FKBP5: variants seen among roughly 807,000 people sequenced by gnomAD.
FKBP5 encodes the protein peptidyl-prolyl cis-trans isomerase FKBP5.
A neutral mutation model predicts 50.5 loss-of-function variants in FKBP5; 23 were observed. The observed-to-expected ratio is 0.46, with a 90% CI of 0.33 to 0.65. The LOEUF (loss-of-function observed/expected upper bound fraction) is 0.65, where lower values mean the gene tolerates loss of function less well. FKBP5 is among the 30% of genes least tolerant of loss of function. FKBP5 has a pLI of 0.02. For missense variants in FKBP5, 411 were observed against 553.1 expected, an observed-to-expected ratio of 0.74 and a Z score of 2.58; for synonymous variants, 176 against 190.6, an observed-to-expected ratio of 0.92 and a Z score of 0.63.
At chr6:35,711,941 A>G (rs960873831) in intron 2 of FKBP5, among the ~76,000 whole-genome samples, 2 of 151,424 alleles carry the variant, frequency 1.3e-5, no homozygotes, top group Non-Finnish European at 2.9e-5. Context: ...CAGTGGTGCA[A>G]TCATAGTTCA....
intron 3 of FKBP5, among the ~76,000 whole-genome samples, chr6:35,631,011 C>A (rs1176408717): frequency 1.3e-5 from 2 of 152,102 alleles, no homozygotes; most frequent in African/African-American, 4.8e-5. Context: ...AGACACTTTA[C>A]AAAAGAAAAC....
chr6:35,701,460 G>C (rs1766187663), intron 2 of FKBP5, among the ~76,000 whole-genome samples: 1 of 151,680 alleles, frequency 6.6e-6, no homozygotes. Context: ...AGCCGGGATG[G>C]TCTCGATCTC....
At chr6:35,679,444 T>C (rs1399440985) in intron 1 of FKBP5, among the ~76,000 whole-genome samples, 1 of 152,226 alleles carries the variant, frequency 6.6e-6, no homozygotes. Context: ...ACATGTTTAT[T>C]ACATGGAAGA....
chr6:35,685,554 A>G (rs1765797865), intron 1 of FKBP5, among the ~76,000 whole-genome samples: 1 of 152,246 alleles, frequency 6.6e-6, no homozygotes, highest in Non-Finnish European at 1.5e-5. Flanking sequence ...TATTTGTTAA[A>G]CATGAATTAC....
chr6:35,666,874 C>T, intron 1 of FKBP5, among the ~76,000 whole-genome samples: 1 of 151,784 alleles, frequency 6.6e-6, no homozygotes, highest in East Asian at 1.9e-4. Context: ...CAGAGCGAGA[C>T]TCTCTCAAAA....
chr6:35,638,340 C>T (rs955735007), intron 2 of FKBP5, among the ~76,000 whole-genome samples: 8 of 151,958 alleles, frequency 5.3e-5, no homozygotes, highest in Admixed American at 6.6e-5. Flanking sequence ...ACAAGTATAC[C>T]GTCCACCTAA....
At chr6:35,620,916 G>T (rs149325363) in intron 3 of FKBP5, among the ~76,000 whole-genome samples, 2 of 152,104 alleles carry the variant, frequency 1.3e-5, no homozygotes, top group African/African-American at 4.8e-5. Flanking sequence ...AAATTTTCTA[G>T]GCAGAGATAG....
chr6:35,598,104 C>T (rs913096362), intron 5 of FKBP5, among the ~76,000 whole-genome samples: 12 of 152,114 alleles, frequency 7.9e-5, no homozygotes, highest in Non-Finnish European at 2.9e-5. Flanking sequence ...CCTAATTCCC[C>T]GTTCCACCCC....
intron 1 of FKBP5, among the ~76,000 whole-genome samples, chr6:35,668,667 C>T (rs894323950): frequency 1.3e-5 from 2 of 151,494 alleles, no homozygotes; most frequent in African/African-American, 4.9e-5. Flanking sequence ...TTTTAGGGTA[C>T]ATGTGTTTTG....
At chr6:35,631,234 C>T (rs1431430130) in intron 3 of FKBP5, among the ~76,000 whole-genome samples, 1 of 152,204 alleles carries the variant, frequency 6.6e-6, no homozygotes, top group Non-Finnish European at 1.5e-5. Flanking sequence ...AATGGGTGAA[C>T]AAACTGTGGC....
chr6:35,714,452 CAAA>C (rs371107974), intron 2 of FKBP5, among the ~76,000 whole-genome samples: 3 of 104,892 alleles, frequency 2.9e-5, no homozygotes, highest in Non-Finnish European at 1.9e-5. Flanking sequence ...AACACTGCCT[CAAA>C]AAAAAAAAAA....
chr6:35,636,056 A>C (rs575813123), intron 3 of FKBP5, among the ~76,000 whole-genome samples: 2 of 152,356 alleles, frequency 1.3e-5, no homozygotes, highest in East Asian at 3.9e-4. Flanking sequence ...CTTTGAATGA[A>C]TTGTTTATTC....
At chr6:35,675,643 C>A (rs73748220) in intron 1 of FKBP5, among the ~76,000 whole-genome samples, 6,480 of 152,244 alleles carry the variant, frequency 0.043, 173 homozygotes, top group African/African-American at 0.079. Context: ...AAGCATCAAT[C>A]CTAACAATTT....
intron 8 of FKBP5, chr6:35,582,691 T>C: frequency 1.0e-6 from 1 of 985,388 alleles, no homozygotes; most frequent in Non-Finnish European, 1.2e-6. Context: ...TACTTAAATT[T>C]TGTCATAGTC....
intron 1 of FKBP5, among the ~76,000 whole-genome samples, chr6:35,666,394 T>TTAAAAAAAAAAAAAAAAAAA (rs1554136779): frequency 3.0e-5 from 1 of 33,268 alleles, no homozygotes; most frequent in African/African-American, 1.1e-4. Context: ...CTATTATAGT[T>TTAAAAAAAAAAAAAAAAAAA]AAAAAAAAAA....
At chr6:35,601,794 G>A (rs1200380986) in intron 5 of FKBP5, among the ~76,000 whole-genome samples, 1 of 152,168 alleles carries the variant, frequency 6.6e-6, no homozygotes, top group Non-Finnish European at 1.5e-5. Flanking sequence ...CATGCCCAAA[G>A]AGAATAAAAG....
At chr6:35,612,533 T>C (rs1298966003) in intron 5 of FKBP5, among the ~76,000 whole-genome samples, 1 of 152,260 alleles carries the variant, frequency 6.6e-6, no homozygotes, top group African/African-American at 2.4e-5. Context: ...TAACTGTTTG[T>C]ATTAGTCCAT....
chr6:35,629,841 C>G (rs1246026017), intron 3 of FKBP5, among the ~76,000 whole-genome samples: 2 of 152,192 alleles, frequency 1.3e-5, no homozygotes, highest in African/African-American at 2.4e-5. Context: ...AAAGTAAGTA[C>G]TTTCTTAAAG....
chr6:35,586,146 G>A (rs1053865088), intron 8 of FKBP5: 3 of 984,822 alleles, frequency 3.0e-6, no homozygotes, highest in Middle Eastern at 1.0e-3. Flanking sequence ...TGCTTGACAT[G>A]GAGAAGGCAT....
Sources: gnomAD v4.1 joint callset for allele counts (sites outside exome capture counted in the v4.1 genomes callset) on GRCh38, gnomAD v4.1.1 for gene constraint, MANE v1.5 for transcripts, NCBI Gene and HGNC (gene_info 2026-07-23, HGNC 2026-07-21) for gene names.